FADS3: variants seen among roughly 807,000 people sequenced by gnomAD.
FADS3 encodes the protein cytochrome b5-related protein.
FADS3 carries 30 observed loss-of-function variants against 60.4 expected under a neutral mutation model. The observed-to-expected ratio is 0.50, with a 90% CI of 0.37 to 0.67. FADS3 has a LOEUF of 0.67. Ranked by LOEUF, FADS3 falls within the 30% of genes least tolerant of loss-of-function variation. FADS3 has a pLI of 0.00. For missense variants in FADS3, 432 were observed against 598.3 expected, an observed-to-expected ratio of 0.72 and a Z score of 2.90; for synonymous variants, 234 against 249.3, an observed-to-expected ratio of 0.94 and a Z score of 0.58.
chr11:61,879,277 C>T (rs202182282), intron 3 of FADS3, 35 bp downstream of exon 3: 1 of 1,540,508 alleles, frequency 6.5e-7, no homozygotes, highest in Non-Finnish European at 8.8e-7. Flanking sequence ...GTCTGTTGGG[C>T]AGTTAAGGTG....
intron 1 of FADS3, among the ~76,000 whole-genome samples, chr11:61,887,562 C>T (rs1938359431): frequency 6.6e-6 from 1 of 152,226 alleles, no homozygotes; most frequent in African/African-American, 2.4e-5. Flanking sequence ...CTAGACCTCA[C>T]TGCCAGGCCC....
Position 61,877,014 on chromosome 11 carries a change from T to A in FADS3, c.886-51A>T. 7.4e-7 allele frequency: 1 copy of A among 1,357,002 alleles called. No individual in the cohort carries two copies. Among genetic ancestry groups the A allele is most frequent in the Middle Eastern group, 2.1e-4 (1 of 4,866 alleles). 84.1% of individuals were successfully genotyped at this position (1,357,002 alleles called of 1,614,324 possible). The stretch of plus-strand genomic sequence containing the variant: ...CGAGAGGTCTCCAGGTGCCCGGAGG[T>A]CTGGAGGCCTGGTGGGTGGGAGGAG... On this transcript the variant is annotated intron_variant, in intron 7 of 11. Coordinates refer to ENST00000278829, the MANE Select transcript of FADS3 (RefSeq NM_021727.5). The surrounding 1 kb of genome is among the most constrained non-coding windows in gnomAD (Gnocchi z 4.7).
rs1937967875 is a variant in FADS3 at position 61,877,875 on chromosome 11, G to A, written c.808+280C>T. On this transcript the variant is annotated intron_variant, in intron 6 of 11. Coordinates refer to ENST00000278829, the MANE Select transcript of FADS3 (RefSeq NM_021727.5). This position sits in a 1 kb window ranked among gnomAD's most constrained non-coding sequence, Gnocchi z 4.7. ...GACTCTAGGGCTCCGGACCACTCTAGTGAGGGCAAGAAGAAATTCTACGTG... is the reference window on the plus strand; with the variant it reads ...GACTCTAGGGCTCCGGACCACTCTAATGAGGGCAAGAAGAAATTCTACGTG... The A allele has an allele frequency of 3.4e-6, 2 of 594,126 alleles. No homozygotes were observed. The highest frequency in any genetic ancestry group is 4.0e-5 in the South Asian group (2 of 49,724). The allele number at this position is 594,126 out of a possible 1,614,324, so 36.8% of individuals were successfully genotyped here. A position where few individuals can be genotyped will look rare whatever the true frequency, so the allele number is the denominator to read the frequency against.
rs375925352 is a variant in FADS3 at position 61,876,327 on chromosome 11, C to T, written c.1080+32G>A. 1.9e-6 allele frequency: 3 copies of T among 1,604,578 alleles called. No homozygotes were observed. The highest frequency in any genetic ancestry group is 4.5e-5 in the East Asian group (2 of 44,738). ...GGCTCCTAGCTGGGACCCCCCACCC[C>T]ACCCAGGATGGGCCCCACCCCTGCT... On this transcript the variant is annotated intron_variant, in intron 9 of 11. Coordinates refer to ENST00000278829, the MANE Select transcript of FADS3 (RefSeq NM_021727.5). The surrounding 1 kb of genome is among the most constrained non-coding windows in gnomAD (Gnocchi z 5.7).
chr11:61,881,138 C>T (rs1397820922), intron 1 of FADS3: 1 of 152,200 alleles, frequency 6.6e-6, no homozygotes, highest in Non-Finnish European at 1.5e-5. Context: ...ATAGTGAGAC[C>T]TTGTCTCTAT....
At chr11:61,883,594 C>A (rs933438470) in intron 1 of FADS3, among the ~76,000 whole-genome samples, 4 of 152,196 alleles carry the variant, frequency 2.6e-5, no homozygotes, top group African/African-American at 9.7e-5. Context: ...AGCTGGCACG[C>A]ACAGACACAC....
intron 1 of FADS3, among the ~76,000 whole-genome samples, chr11:61,885,912 C>T (rs889010946): frequency 6.6e-5 from 10 of 152,266 alleles, no homozygotes; most frequent in East Asian, 5.8e-4. Context: ...CACCATGCTC[C>T]GTCCCATCCT....
In FADS3 at chr11:61,875,765, G is replaced by C. The variant is rs1265341273; in HGVS notation, c.1286+86C>G. The C allele has an allele frequency of 1.1e-5, 16 of 1,509,894 alleles. No homozygotes were observed. The East Asian group carries it at 2.3e-4, about 22-fold the overall frequency. The allele number at this position is 1,509,894 out of a possible 1,614,324, so 93.5% of individuals were successfully genotyped here. ...GGACAGAAAGGCTCAGGGACCCTGG[G>C]GGCTCAGCATGAGGCTGACCTGGAC... On this transcript the variant is annotated intron_variant, in intron 11 of 11. Coordinates refer to ENST00000278829, the MANE Select transcript of FADS3 (RefSeq NM_021727.5).
In FADS3 at chr11:61,884,551, T is replaced by G. The variant is rs7108872; in HGVS notation, c.214-4400A>C. ...GGGAAGCAGCAGTTCTCCTAGGTGG[T>G]GTGCGGGGGTCCTTGCCGTGAGGCC... On this transcript the variant is annotated intron_variant, in intron 1 of 11. Transcript: ENST00000278829. 4.0e-3 allele frequency among the ~76,000 whole-genome samples: 612 copies of G among 152,282 alleles called. 4 individuals are homozygous for G. The highest frequency in any genetic ancestry group is 0.014 in the African/African-American group (562 of 41,550).
Position 61,890,685 on chromosome 11 carries a change from G to A in FADS3, c.213+484C>T, listed in dbSNP as rs538473672. 4.9e-3 allele frequency among the ~76,000 whole-genome samples: 740 copies of A among 152,284 alleles called. 5 individuals carry two copies. The highest frequency in any genetic ancestry group is 0.016 in the African/African-American group (679 of 41,546). On this transcript the variant is annotated intron_variant, in intron 1 of 11. Transcript: ENST00000278829. ...CACGTGCAGCTGCTAGCCCGGAGAGGTGAGTCACTGTCCCTGAGCCCTTTA... is the reference window on the plus strand; with the variant it reads ...CACGTGCAGCTGCTAGCCCGGAGAGATGAGTCACTGTCCCTGAGCCCTTTA...
At chr11:61,891,736 G>C (rs1480787569), upstream of FADS3, 3 of 152,432 alleles carry the variant, frequency 2.0e-5, no homozygotes, top group Non-Finnish European at 2.9e-5. Context: ...CGCCCCTCCC[G>C]GGAGGACAGC....
intron 1 of FADS3, among the ~76,000 whole-genome samples, chr11:61,883,992 G>C (rs2135998516): frequency 6.6e-6 from 1 of 152,314 alleles, no homozygotes; most frequent in East Asian, 1.9e-4. Flanking sequence ...TGGGCACCCT[G>C]GGGCTGTGCT....
chr11:61,875,817 C>A (rs368759677), intron 11 of FADS3, 34 bp downstream of exon 11: 5 of 1,602,166 alleles, frequency 3.1e-6, no homozygotes, highest in Non-Finnish European at 4.3e-6. Context: ...CCTGGGGAAG[C>A]CACCAGAACA....
chr11:61,886,862 C>G (rs1402915643), intron 1 of FADS3, among the ~76,000 whole-genome samples: 2 of 152,220 alleles, frequency 1.3e-5, no homozygotes, highest in African/African-American at 4.8e-5. Flanking sequence ...ACTGGCCACT[C>G]CCTCCTCCAG....
At chr11:61,887,945 G>A (rs1938368918) in intron 1 of FADS3, among the ~76,000 whole-genome samples, 1 of 152,196 alleles carries the variant, frequency 6.6e-6, no homozygotes, top group Non-Finnish European at 1.5e-5. Context: ...TAAATGGTAC[G>A]TGCCTCATAG....
rs1937884343 is a variant in FADS3, at chr11:61,876,344, A to G, written c.1080+15T>C. On this transcript the variant is annotated intron_variant, in intron 9 of 11. Transcript: ENST00000278829. This position sits in a 1 kb window ranked among gnomAD's most constrained non-coding sequence, Gnocchi z 5.7. The stretch of plus-strand genomic sequence containing the variant: ...CCCCACCCCACCCAGGATGGGCCCC[A>G]CCCCTGCTGCCCACCTGAGAGCTGA... 1.3e-6 allele frequency: 2 copies of G among 1,590,356 alleles called. No individual in the cohort carries two copies. The highest frequency in any genetic ancestry group is 2.7e-5 in the African/African-American group (2 of 73,668).
At chr11:61,875,383 T>TG (rs1287137213) in intron 11 of FADS3, among the ~76,000 whole-genome samples, 23 of 350 alleles carry the variant, frequency 0.066, 6 homozygotes, top group Non-Finnish European at 0.12. Context: ...ATTTTTGTTT[T>TG]TTTTTTTTTT....
chr11:61,875,386 T>G (rs1591188601), intron 11 of FADS3, among the ~76,000 whole-genome samples: 2 of 7,524 alleles, frequency 2.7e-4, no homozygotes, highest in Non-Finnish European at 2.4e-4. Context: ...TTTGTTTTTT[T>G]TTTTTTTTTT....
chr11:61,880,225 C>T (rs138433854), intron 1 of FADS3, 74 bp from the exon 2 acceptor site: 33 of 1,233,214 alleles, frequency 2.7e-5, no homozygotes, highest in Middle Eastern at 1.9e-4. Flanking sequence ...CAGAGACAGG[C>T]GGAAGGACTA....
Sources: gnomAD v4.1 joint callset for allele counts (sites outside exome capture counted in the v4.1 genomes callset) on GRCh38, gnomAD v4.1.1 for gene constraint, Gnocchi (gnomAD v3.1) non-coding constraint, MANE v1.5 for transcripts, NCBI Gene and HGNC (gene_info 2026-07-23, HGNC 2026-07-21) for gene names.